Variants in JPH2 observed in about 807,000 individuals in gnomAD.
JPH2 encodes the protein junctophilin 2.
JPH2 carries 38 observed loss-of-function variants against 55.9 expected under a neutral mutation model. That is an observed-to-expected ratio of 0.68 (90% CI 0.52 to 0.89). The LOEUF (loss-of-function observed/expected upper bound fraction) is 0.89, where lower values mean the gene tolerates loss of function less well. JPH2 is among the 40% of genes least tolerant of loss of function. The pLI is 0.00. For synonymous variants in JPH2, 480 were observed against 472.4 expected (o/e 1.02, Z -0.21); for missense variants, 964 against 1,037.6 (o/e 0.93, Z 0.97).
rs1427421120 is a variant in JPH2 at position 44,110,960 on chromosome 20, A to G, written c.*2558T>C. Reference sequence around the variant, plus strand: ...CTGAACTCGAGCCTACTGTTGGTTGAGGGACCTTCTTCTCCAACCCCCTCG... The same window carrying G: ...CTGAACTCGAGCCTACTGTTGGTTGGGGGACCTTCTTCTCCAACCCCCTCG... On this transcript the variant is annotated 3_prime_UTR_variant, in exon 6 of 6. Transcript: ENST00000372980. Among the ~76,000 whole-genome samples, 1 of 152,170 alleles carries G rather than the reference A, an allele frequency of 6.6e-6. No individual in the cohort carries two copies. The highest frequency in any genetic ancestry group is 1.5e-5 in the Non-Finnish European group (1 of 68,044).
intron 2 of JPH2, among the ~76,000 whole-genome samples, chr20:44,134,740 TAA>T (rs1231771534): frequency 1.7e-5 from 1 of 60,018 alleles, no homozygotes; most frequent in Non-Finnish European, 3.1e-5. Context: ...TATAAATATA[TAA>T]AGATATATTT....
chr20:44,108,015 G>A lies in JPH2; in HGVS notation c.*5503C>T, dbSNP rs946459444. Among the ~76,000 whole-genome samples, 9 of 152,228 alleles carry A rather than the reference G, an allele frequency of 5.9e-5. No individual in the cohort carries two copies. The highest frequency in any genetic ancestry group is 2.2e-4 in the African/African-American group (9 of 41,452). ...TCAACCACAGGGTTAAAAGATTGGG[G>A]CTTTGGGCTATGTGATGTCAGCCTG... On this transcript the variant is annotated 3_prime_UTR_variant, in exon 6 of 6. Coordinates refer to ENST00000372980, the MANE Select transcript of JPH2 (RefSeq NM_020433.5).
At chr20:44,172,497 T>C (rs1312122907) in intron 1 of JPH2, among the ~76,000 whole-genome samples, 1 of 152,194 alleles carries the variant, frequency 6.6e-6, no homozygotes, top group Non-Finnish European at 1.5e-5. Flanking sequence ...TTTTGTTTTG[T>C]TTTGTTTCGT....
intron 1 of JPH2, among the ~76,000 whole-genome samples, chr20:44,182,219 C>T (rs140675926): frequency 3.4e-3 from 512 of 152,286 alleles, no homozygotes; most frequent in Non-Finnish European, 4.3e-3. Context: ...CTCAGTGATA[C>T]CCACGTCGGG....
intron 1 of JPH2, among the ~76,000 whole-genome samples, chr20:44,181,220 C>T (rs1355404854): frequency 2.6e-5 from 4 of 152,052 alleles, no homozygotes; most frequent in East Asian, 1.9e-4. Flanking sequence ...TTGAAGAAGA[C>T]GCCAAGTCAA....
intron 2 of JPH2, among the ~76,000 whole-genome samples, chr20:44,124,588 AG>A (rs1280870363): frequency 6.6e-6 from 1 of 151,728 alleles, no homozygotes; most frequent in Non-Finnish European, 1.5e-5. Flanking sequence ...CTGAGGCAGG[AG>A]GATCACTTGA....
chr20:44,162,597 C>T (rs1374178471), intron 1 of JPH2, among the ~76,000 whole-genome samples: 1 of 151,524 alleles, frequency 6.6e-6, no homozygotes, highest in Non-Finnish European at 1.5e-5. Context: ...CATCTTCCTC[C>T]CATGCTGCTG....
At chr20:44,164,715 CAA>C (rs1569213331) in intron 1 of JPH2, among the ~76,000 whole-genome samples, 8 of 131,894 alleles carry the variant, frequency 6.1e-5, no homozygotes, top group African/African-American at 2.4e-4. Flanking sequence ...AACAAACAAA[CAA>C]ACCTATAGTG....
chr20:44,119,514 C>T (rs1207038170), intron 2 of JPH2, among the ~76,000 whole-genome samples: 1 of 152,190 alleles, frequency 6.6e-6, no homozygotes, highest in Non-Finnish European at 1.5e-5. Context: ...GTGTTGGCTG[C>T]TAATGGCTCC....
chr20:44,134,721 T>TAA (rs1569195361), intron 2 of JPH2, among the ~76,000 whole-genome samples: 1 of 47,488 alleles, frequency 2.1e-5, no homozygotes, highest in Admixed American at 3.2e-4. Flanking sequence ...ATTATAAATA[T>TAA]ATATTTATTA....
chr20:44,138,558 T>G (rs968480912), intron 2 of JPH2, among the ~76,000 whole-genome samples: 4 of 151,662 alleles, frequency 2.6e-5, no homozygotes, highest in Non-Finnish European at 5.9e-5. Context: ...ATTTTTTTAT[T>G]TTTTTGTAGA....
intron 1 of JPH2, among the ~76,000 whole-genome samples, chr20:44,164,158 T>TA (rs2072637145): frequency 1.3e-5 from 2 of 152,284 alleles, no homozygotes; most frequent in East Asian, 1.9e-4. Context: ...AATGGGATTG[T>TA]ATGACAGGTG....
Position 44,106,792 on chromosome 20 carries a change from G to A in JPH2, c.*6726C>T, listed in dbSNP as rs928906671. Among the ~76,000 whole-genome samples the A allele has an allele frequency of 6.6e-6, 1 of 152,014 alleles. No homozygotes were observed. The highest frequency in any genetic ancestry group is 2.4e-5 in the African/African-American group (1 of 41,358). ...CTACCACGAGAACGGCACGGGAAAGGCTTGCCCCCATGATTCAATTACCTC... is the reference window on the plus strand; with the variant it reads ...CTACCACGAGAACGGCACGGGAAAGACTTGCCCCCATGATTCAATTACCTC... On this transcript the variant is annotated 3_prime_UTR_variant, in exon 6 of 6. Transcript: ENST00000372980.
At chr20:44,135,834 G>C (rs2072408596) in intron 2 of JPH2, among the ~76,000 whole-genome samples, 1 of 150,584 alleles carries the variant, frequency 6.6e-6, no homozygotes, top group Non-Finnish European at 1.5e-5. Context: ...AGAGAAGTCT[G>C]TGTGATCATT....
At chr20:44,162,791 C>A (rs199565056) in intron 1 of JPH2, among the ~76,000 whole-genome samples, 1 of 66,770 alleles carries the variant, frequency 1.5e-5, no homozygotes, top group African/African-American at 5.5e-5. Context: ...TATATATACA[C>A]ACACACACAC....
chr20:44,134,940 A>T (rs1400546975), intron 2 of JPH2, among the ~76,000 whole-genome samples: 1 of 130,746 alleles, frequency 7.6e-6, no homozygotes, highest in Admixed American at 9.2e-5. Flanking sequence ...TATATATATA[A>T]AACCACCTGT....
chr20:44,134,836 AAT>A (rs199980913), intron 2 of JPH2, among the ~76,000 whole-genome samples: 46,706 of 115,188 alleles, frequency 0.41, 10,063 homozygotes, highest in Admixed American at 0.54. Flanking sequence ...AATATACATA[AAT>A]ATATGTTTAT....
At chr20:44,124,648 T>C (rs1361035973) in intron 2 of JPH2, among the ~76,000 whole-genome samples, 1 of 150,016 alleles carries the variant, frequency 6.7e-6, no homozygotes. Context: ...ATCCCAACTC[T>C]ATCTTAAAAA....
rs754665306 is a variant in JPH2 at position 44,116,004 on chromosome 20, C to T, written c.1671G>A (p.Glu557=). 67 of 1,580,456 alleles carry T rather than the reference C, an allele frequency of 4.2e-5. No individual in the cohort carries two copies. In the Middle Eastern group the frequency reaches 5.2e-4, roughly 12 times the overall value. The part of the protein sequence containing the change: ...ALQAPPAPSR[E]PEVALYQGYH... ...AGCCCTGGTAAAGCGCCACCTCCGGCTCCCGCGACGGCGCAGGCGGTGCCT... is the reference window on the plus strand; with the variant it reads ...AGCCCTGGTAAAGCGCCACCTCCGGTTCCCGCGACGGCGCAGGCGGTGCCT... Residue 557 remains glutamate (E), a synonymous_variant, in exon 4 of 6, where the codon GAG becomes GAA. Transcript: ENST00000372980.
Sources: allele counts gnomAD v4.1 joint callset (sites outside exome capture counted in the v4.1 genomes callset), GRCh38; gene constraint gnomAD v4.1.1; transcripts MANE v1.5; gene names NCBI Gene and HGNC (gene_info 2026-07-23, HGNC 2026-07-21).